Variants in PCNT observed in about 807,000 individuals in gnomAD.
The protein encoded by PCNT is kendrin.
PCNT carries 319 observed loss-of-function variants against 380.4 expected under a neutral mutation model. The ratio of observed to expected loss-of-function variants is 0.84; its 90% CI spans 0.77 to 0.92. PCNT has a LOEUF of 0.92. PCNT is among the 40% of genes least tolerant of loss of function. PCNT has a pLI of 0.00. For missense variants in PCNT, 4,400 were observed against 4,255.3 expected (o/e 1.03, Z -0.95); for synonymous variants, 1,845 against 1,735.2 (o/e 1.06, Z -1.57).
intron 1 of PCNT, 47 bp downstream of exon 1, chr21:46,324,329 A>C: frequency 6.7e-7 from 1 of 1,500,282 alleles, no homozygotes; most frequent in South Asian, 1.2e-5. Flanking sequence ...GTGAAGTCCT[A>C]AGGGCGGCTC....
At position 46,399,238 on chromosome 21, in the gene PCNT, C is replaced by CTGGGTCTAGGTCTCCCTGTGCAGCCTG. The variant is rs138598973; in HGVS notation, c.4585-344_4585-318dup. ...CTTCCTTTAGATCTCTGTTCAGCCT[C>CTGGGTCTAGGTCTCCCTGTGCAGCCTG]TGGGTCTAGGTCTCCCTGTGCAGCC... On this transcript the variant is annotated intron_variant, in intron 24 of 46. Coordinates refer to ENST00000359568, the MANE Select transcript of PCNT (RefSeq NM_006031.6). Among the ~76,000 whole-genome samples the CTGGGTCTAGGTCTCCCTGTGCAGCCTG allele has an allele frequency of 4.0e-3, 170 of 42,686 alleles. 47 individuals are homozygous for CTGGGTCTAGGTCTCCCTGTGCAGCCTG. Among genetic ancestry groups the CTGGGTCTAGGTCTCCCTGTGCAGCCTG allele is most frequent in the African/African-American group, 7.5e-3 (59 of 7,890 alleles). 28.0% of individuals were successfully genotyped at this position (42,686 alleles called of 152,430 possible).
In PCNT at chr21:46,427,584, A is replaced by G. The variant is rs2839254; in HGVS notation, c.7321-38A>G. 4.4e-4 allele frequency: 706 copies of G among 1,613,282 alleles called. 3 individuals carry two copies. In the African/African-American group the frequency reaches 8.5e-3, roughly 19 times the overall value. ...CTTTAGGGCACAAGGATGCAGGTGCATTTGTGAGGACGCCACGTTTCTTCC... is the reference window on the plus strand; with the variant it reads ...CTTTAGGGCACAAGGATGCAGGTGCGTTTGTGAGGACGCCACGTTTCTTCC... On this transcript the variant is annotated intron_variant, in intron 33 of 46. Coordinates refer to ENST00000359568, the MANE Select transcript of PCNT (RefSeq NM_006031.6).
Position 46,353,715 on chromosome 21 carries a change from G to GGT in PCNT, c.1680-236_1680-235dup, listed in dbSNP as rs72175446. Among the ~76,000 whole-genome samples the GGT allele has an allele frequency of 0.047, 6,013 of 128,972 alleles. 122 individuals are homozygous for GGT. Among genetic ancestry groups the GGT allele is most frequent in the South Asian group, 0.078 (295 of 3,774 alleles). 84.6% of individuals were successfully genotyped at this position (128,972 alleles called of 152,430 possible). A position where few individuals can be genotyped will look rare whatever the true frequency, so the allele number is the denominator to read the frequency against. On this transcript the variant is annotated intron_variant, in intron 10 of 46. Coordinates refer to ENST00000359568, the MANE Select transcript of PCNT (RefSeq NM_006031.6). ...TTGGTGGCAGGGGCACTCTCCTCCA[G>GGT]GTGTGTGTGTGTGTGTGTGTGTGTG...
At chr21:46,422,226 G>T in intron 32 of PCNT, 102 bp downstream of exon 32, 1 of 1,437,016 alleles carries the variant, frequency 7.0e-7, no homozygotes, top group Non-Finnish European at 9.6e-7. Flanking sequence ...TGGAGGGCCA[G>T]CTTTTCCTGG....
At chr21:46,419,836 A>G (rs113126997) in intron 31 of PCNT, among the ~76,000 whole-genome samples, 7,282 of 152,084 alleles carry the variant, frequency 0.048, 229 homozygotes, top group Non-Finnish European at 0.064. Flanking sequence ...CACCTCCCGT[A>G]CTCAAGTCAT....
At chr21:46,376,999 G>A (rs900377116) in intron 15 of PCNT, among the ~76,000 whole-genome samples, 5 of 152,220 alleles carry the variant, frequency 3.3e-5, no homozygotes, top group Admixed American at 6.5e-5. Flanking sequence ...AGATGCAGAT[G>A]CACAGCCCAC....
At position 46,363,790 on chromosome 21, in the gene PCNT, A is replaced by G. The variant is rs1262355721; in HGVS notation, c.2465A>G (p.Gln822Arg). The part of the protein sequence containing the change: ...RSLTEQQGRL[Q>R]QLEQDLTSDD... The stretch of plus-strand genomic sequence containing the variant: ...TTGACGGAGCAGCAGGGCCGCCTGC[A>G]GCAGCTGGAACAGGACCTCACTTCA... Residue 822 changes from glutamine (Q) to arginine (R), a missense_variant, in exon 14 of 47, where the codon CAG (glutamine) becomes CGG (arginine). Transcript: ENST00000359568. 2 of 1,613,610 alleles carry G rather than the reference A, an allele frequency of 1.2e-6. No homozygotes were observed. The highest frequency in any genetic ancestry group is 8.5e-7 in the Non-Finnish European group (1 of 1,179,778).
chr21:46,417,896 C>T (rs1254411384), intron 30 of PCNT, among the ~76,000 whole-genome samples: 1 of 152,158 alleles, frequency 6.6e-6, no homozygotes, highest in African/African-American at 2.4e-5. Flanking sequence ...GAGTGAGACC[C>T]TCCCTCAAAA....
chr21:46,403,030 T>C (rs757365802), intron 27 of PCNT, among the ~76,000 whole-genome samples: 2 of 152,278 alleles, frequency 1.3e-5, no homozygotes, highest in African/African-American at 4.8e-5. Context: ...ATAGTAGAGA[T>C]GATATTCAAA....
rs1295105735 is a variant in PCNT, at chr21:46,389,246, G to T, written c.3655G>T (p.Asp1219Tyr). 6.2e-7 allele frequency: 1 copy of T among 1,614,118 alleles called. No individual in the cohort carries two copies. The highest frequency in any genetic ancestry group is 1.3e-5 in the African/African-American group (1 of 74,948). The change falls in exon 19 of 47, where the codon GAC becomes TAC. Residue 1219 changes from aspartate to tyrosine, a missense_variant. Physicochemically the swap from Asp to Tyr is radical, Grantham distance 160. Transcript: ENST00000359568. ...TWSDVALPEL[D>Y]RTLSECAEMS... The stretch of plus-strand genomic sequence containing the variant: ...GTCTGATGTGGCCCTCCCGGAGTTG[G>T]ACAGAACTTTGTCTGAATGTGCAGA...
At chr21:46,439,909 G>A (rs561922977) in intron 41 of PCNT, among the ~76,000 whole-genome samples, 174 bp from the exon 42 acceptor site, 96 of 152,324 alleles carry the variant, frequency 6.3e-4, no homozygotes, top group Non-Finnish European at 1.1e-3. Flanking sequence ...TCACAGCACG[G>A]CGTAACCTAG....
chr21:46,433,146 C>G (rs1368257533), intron 38 of PCNT, among the ~76,000 whole-genome samples: 2 of 152,074 alleles, frequency 1.3e-5, no homozygotes, highest in African/African-American at 4.8e-5. Context: ...CTTTGGGAGG[C>G]CAAGGCAGGC....
chr21:46,444,454 A>G (rs1472088655), intron 45 of PCNT, among the ~76,000 whole-genome samples: 2 of 152,134 alleles, frequency 1.3e-5, no homozygotes, highest in Non-Finnish European at 2.9e-5. Flanking sequence ...ATCGTCGAAG[A>G]TGTAGCAAGC....
chr21:46,443,754 T>TAAAATGC, intron 44 of PCNT, 56 bp from the exon 45 acceptor site: 1 of 1,575,694 alleles, frequency 6.3e-7, no homozygotes, highest in South Asian at 1.1e-5. Context: ...GGGCCTTTAC[T>TAAAATGC]AAAATGCATT....
rs949795274 is a variant in PCNT, at chr21:46,401,535, C to A, written c.4792-16C>A. 1 of 1,448,006 alleles carries A rather than the reference C, an allele frequency of 6.9e-7. No homozygotes were observed. 89.7% of individuals were successfully genotyped at this position (1,448,006 alleles called of 1,614,324 possible). On this transcript the variant is annotated splice_polypyrimidine_tract_variant and intron_variant, in intron 25 of 46. Coordinates refer to ENST00000359568, the MANE Select transcript of PCNT (RefSeq NM_006031.6). ...CCAAATATTTGCCTAAAATAGAGTTCTTTTTTTTTTAATAGGATAAAGAGG... is the reference window on the plus strand; with the variant it reads ...CCAAATATTTGCCTAAAATAGAGTTATTTTTTTTTTAATAGGATAAAGAGG...
chr21:46,389,151 C>A, intron 18 of PCNT, 48 bp from the exon 19 acceptor site: 1 of 1,573,774 alleles, frequency 6.4e-7, no homozygotes, highest in Non-Finnish European at 8.7e-7. Flanking sequence ...ATGGCCGCGG[C>A]CGGCTTGCTC....
In PCNT at chr21:46,425,810, T is replaced by C; in HGVS notation, c.7180-21T>C. ...TGTGGGGTGGCAGGCAACTCCCTTC[T>C]GACGCGCTTTCCCGCCACAGGCTTT... is the stretch of plus-strand genomic sequence containing the variant. On this transcript the variant is annotated intron_variant, in intron 32 of 46. Transcript: ENST00000359568. The surrounding 1 kb of genome is among the most constrained non-coding windows in gnomAD (Gnocchi z 4.2). 1.9e-6 allele frequency: 3 copies of C among 1,612,708 alleles called. No homozygotes were observed. Among genetic ancestry groups the C allele is most frequent in the Non-Finnish European group, 1.7e-6 (2 of 1,179,862 alleles).
rs762751615 is a variant in PCNT, at chr21:46,422,131, C to G, written c.7179+7C>G. On this transcript the variant is annotated splice_region_variant and intron_variant, in intron 32 of 46. Transcript: ENST00000359568. ...GCGTCCGAAGCACGTGAAGGTATGG[C>G]TGGCAGGGGCGGCCCTCACAGCTTC... The G allele has an allele frequency of 1.2e-5, 20 of 1,613,176 alleles. No individual in the cohort carries two copies. The highest frequency in any genetic ancestry group is 1.7e-5 in the Non-Finnish European group (20 of 1,179,968).
chr21:46,358,839 C>T (rs1190846871), intron 13 of PCNT, among the ~76,000 whole-genome samples: 1 of 151,580 alleles, frequency 6.6e-6, no homozygotes, highest in African/African-American at 2.4e-5. Flanking sequence ...CTCGCTCTGT[C>T]ACCCAGGCTG....
Sources: gnomAD v4.1 joint callset for allele counts (sites outside exome capture counted in the v4.1 genomes callset) on GRCh38, gnomAD v4.1.1 for gene constraint, Gnocchi (gnomAD v3.1) non-coding constraint, MANE v1.5 for transcripts, NCBI Gene and HGNC (gene_info 2026-07-23, HGNC 2026-07-21) for gene names.